RBMS3: variants seen among roughly 807,000 people sequenced by gnomAD.
RBMS3 encodes the protein RNA binding motif single stranded interacting protein 3.
In RBMS3, 27 loss-of-function variants were observed where a neutral mutation model predicts 66.8. The ratio of observed to expected loss-of-function variants is 0.40; its 90% CI spans 0.30 to 0.56. The LOEUF is 0.56. Ranked by LOEUF, RBMS3 falls within the 20% of genes least tolerant of loss-of-function variation. RBMS3 has a pLI of 0.40. For missense variants in RBMS3, 513 were observed against 549.5 expected (o/e 0.93, Z 0.66); for synonymous variants, 188 against 183.0 (o/e 1.03, Z -0.22).
chr3:29,516,360 C>G (rs1159497535), intron 3 of RBMS3, among the ~76,000 whole-genome samples: 1 of 152,182 alleles, frequency 6.6e-6, no homozygotes, highest in African/African-American at 2.4e-5. Flanking sequence ...TCAGAATAAT[C>G]TAAACCACAG....
At chr3:29,363,451 TGA>T (rs2037719354) in intron 1 of RBMS3, among the ~76,000 whole-genome samples, 1 of 152,082 alleles carries the variant, frequency 6.6e-6, no homozygotes, top group South Asian at 2.1e-4. Context: ...CACTAAGTAG[TGA>T]AAATATTTAT....
At chr3:29,561,923 T>C (rs1288027550) in intron 3 of RBMS3, among the ~76,000 whole-genome samples, 1 of 152,162 alleles carries the variant, frequency 6.6e-6, no homozygotes, top group African/African-American at 2.4e-5. Context: ...ATGGAGTCAT[T>C]TGTGGTTTTT....
At chr3:29,530,581 G>C (rs1277591478) in intron 3 of RBMS3, among the ~76,000 whole-genome samples, 1 of 151,982 alleles carries the variant, frequency 6.6e-6, no homozygotes, top group East Asian at 1.9e-4. Flanking sequence ...AAGTGTTTCT[G>C]CCTGGCACGG....
At chr3:29,858,490 G>A (rs1379146805) in intron 6 of RBMS3, among the ~76,000 whole-genome samples, 2 of 152,090 alleles carry the variant, frequency 1.3e-5, no homozygotes, top group African/African-American at 4.8e-5. Context: ...TTTCCTTGGT[G>A]CTTTGCCTTT....
Position 29,947,711 on chromosome 3 carries a change from G to A in RBMS3, c.1098+3457G>A, listed in dbSNP as rs115449752. ...AAAAATCCTCCTCTCTTAAGCAAAT[G>A]TTAATGAAAAAATATGTAAAGGCAT... On this transcript the variant is annotated intron_variant, in intron 12 of 14. Coordinates refer to ENST00000383767, the MANE Select transcript of RBMS3 (RefSeq NM_001003793.3). Among the ~76,000 whole-genome samples the A allele has an allele frequency of 1.6e-3, 249 of 151,326 alleles. 1 individual carries two copies. Among genetic ancestry groups the A allele is most frequent in the African/African-American group, 5.5e-3 (228 of 41,324 alleles).
chr3:29,955,189 C>A (rs530775517), intron 12 of RBMS3, among the ~76,000 whole-genome samples: 1 of 151,912 alleles, frequency 6.6e-6, no homozygotes, highest in Non-Finnish European at 1.5e-5. Flanking sequence ...CCTAAAATTT[C>A]TCTGACAGAA....
intron 2 of RBMS3, among the ~76,000 whole-genome samples, chr3:29,487,124 G>A (rs80331236): frequency 0.012 from 1,785 of 152,232 alleles, 19 homozygotes; most frequent in South Asian, 0.043. Context: ...TAGGTACGAT[G>A]AATCATTGTC....
chr3:29,918,597 A>T (rs2060695116), intron 10 of RBMS3, among the ~76,000 whole-genome samples: 2 of 152,184 alleles, frequency 1.3e-5, no homozygotes, highest in East Asian at 1.9e-4. Context: ...ACTGAATAAG[A>T]CCCACCTTAA....
intron 1 of RBMS3, among the ~76,000 whole-genome samples, chr3:29,384,279 A>G (rs1176206234): frequency 1.3e-5 from 2 of 152,020 alleles, no homozygotes; most frequent in Admixed American, 6.6e-5. Context: ...TCGCACCACT[A>G]TACTCCAGCC....
rs201332941 is a variant in RBMS3, at chr3:29,806,904, G to A, written c.637+43915G>A. On this transcript the variant is annotated intron_variant, in intron 6 of 14. Coordinates refer to ENST00000383767, the MANE Select transcript of RBMS3 (RefSeq NM_001003793.3). ...GCAGTTGCTTTTTCAAAAAGGATTG[G>A]GATTCTTTTGCCATATAGTGGCAAT... is the stretch of plus-strand genomic sequence containing the variant. 5.3e-5 allele frequency among the ~76,000 whole-genome samples: 8 copies of A among 151,806 alleles called. No homozygotes were observed. In the East Asian group the frequency reaches 1.5e-3, roughly 29 times the overall value.
At chr3:29,855,634 T>C (rs2059054532) in intron 6 of RBMS3, among the ~76,000 whole-genome samples, 2 of 152,202 alleles carry the variant, frequency 1.3e-5, no homozygotes, top group African/African-American at 4.8e-5. Flanking sequence ...CTGAGAGACT[T>C]ATTAAATATT....
chr3:29,375,108 G>C (rs1266103013), intron 1 of RBMS3, among the ~76,000 whole-genome samples: 1 of 152,138 alleles, frequency 6.6e-6, no homozygotes, highest in Non-Finnish European at 1.5e-5. Flanking sequence ...GAAGCAATAG[G>C]GAAAGGATTT....
intron 10 of RBMS3, among the ~76,000 whole-genome samples, chr3:29,904,962 T>A (rs1422690547): frequency 6.6e-6 from 1 of 152,094 alleles, no homozygotes; most frequent in East Asian, 1.9e-4. Flanking sequence ...ATTTAAATAT[T>A]ATCTCAGTTG....
At chr3:29,836,307 G>A (rs544200863) in intron 6 of RBMS3, among the ~76,000 whole-genome samples, 7 of 152,020 alleles carry the variant, frequency 4.6e-5, no homozygotes, top group African/African-American at 1.7e-4. Flanking sequence ...AGGACACCAT[G>A]AGAACAGAAA....
At chr3:29,339,885 T>C (rs1028323094) in intron 1 of RBMS3, among the ~76,000 whole-genome samples, 2 of 151,928 alleles carry the variant, frequency 1.3e-5, no homozygotes, top group African/African-American at 4.8e-5. Flanking sequence ...TATGCATCAG[T>C]GTAGGGTGAG....
chr3:29,690,727 G>T (rs1029934334), intron 4 of RBMS3, among the ~76,000 whole-genome samples: 1 of 152,094 alleles, frequency 6.6e-6, no homozygotes, highest in African/African-American at 2.4e-5. Context: ...CAGTATTTTA[G>T]TTTTGCATTT....
intron 1 of RBMS3, among the ~76,000 whole-genome samples, chr3:29,358,888 A>G (rs958486666): frequency 2.9e-4 from 44 of 152,288 alleles, no homozygotes; most frequent in Admixed American, 2.6e-4. Flanking sequence ...ATTTTTGCAC[A>G]TTGATTTTGT....
At chr3:29,575,769 G>A (rs2047098594) in intron 3 of RBMS3, among the ~76,000 whole-genome samples, 1 of 151,750 alleles carries the variant, frequency 6.6e-6, no homozygotes, top group East Asian at 1.9e-4. Flanking sequence ...TGCTTGATCA[G>A]TTTTACTATT....
At chr3:29,887,038 A>G (rs2059888569) in intron 8 of RBMS3, among the ~76,000 whole-genome samples, 1 of 151,810 alleles carries the variant, frequency 6.6e-6, no homozygotes, top group African/African-American at 2.4e-5. Context: ...ATCAACATTA[A>G]AAGTATTTTA....
Sources: allele counts gnomAD v4.1 joint callset (sites outside exome capture counted in the v4.1 genomes callset), GRCh38; gene constraint gnomAD v4.1.1; transcripts MANE v1.5; gene names NCBI Gene and HGNC (gene_info 2026-07-23, HGNC 2026-07-21).